GGT1: variants seen among roughly 807,000 people sequenced by gnomAD.
The protein encoded by GGT1 is glutathione hydrolase 1 proenzyme.
Under a neutral mutation model 56.0 loss-of-function variants are expected in GGT1, and 21 were observed. The ratio of observed to expected loss-of-function variants is 0.38; its 90% confidence interval spans 0.27 to 0.54. GGT1 has a LOEUF of 0.54. GGT1 is among the 20% of genes least tolerant of loss of function. The probability of loss-of-function intolerance (pLI) is 0.82; values close to 1 mark genes in which losing one functional copy is unlikely to be tolerated. For missense variants in GGT1, 466 were observed against 787.0 expected, an observed-to-expected ratio of 0.59 and a Z score of 4.88; for synonymous variants, 238 against 342.6, an observed-to-expected ratio of 0.69 and a Z score of 3.37.
intron 2 of GGT1, chr22:24,609,666 C>T (rs1004303388): frequency 8.2e-5 from 24 of 291,124 alleles, no homozygotes; most frequent in South Asian, 2.7e-4. Context: ...TGGCAGACAC[C>T]GCCCTTTGTG....
At chr22:24,624,279 C>T (rs1240099680) in intron 11 of GGT1, 3 of 940,508 alleles carry the variant, frequency 3.2e-6, no homozygotes, top group Admixed American at 6.2e-5. Context: ...ACCTTGGCCA[C>T]CCACTCCCTG....
chr22:24,595,481 G>A (rs766017276), intron 1 of GGT1, among the ~76,000 whole-genome samples: 1 of 152,218 alleles, frequency 6.6e-6, no homozygotes, highest in Non-Finnish European at 1.5e-5. Flanking sequence ...TCCATGGGGT[G>A]GAGGGATTGC....
At chr22:24,616,762 G>T in intron 7 of GGT1, among the ~76,000 whole-genome samples, 1 of 151,844 alleles carries the variant, frequency 6.6e-6, no homozygotes, top group East Asian at 1.9e-4. Flanking sequence ...GCCCAGGCTG[G>T]TCTCGATCTC....
chr22:24,591,452 G>C (rs1043637240), upstream of GGT1, among the ~76,000 whole-genome samples: 4 of 152,220 alleles, frequency 2.6e-5, no homozygotes, highest in Non-Finnish European at 5.9e-5. Context: ...TAGACCCCAT[G>C]TGGGCCTTCT....
At chr22:24,589,067 A>G in the GGT1 span, 1 of 1,037,110 alleles carries the variant, frequency 9.6e-7, no homozygotes. Context: ...GGCTAGGCGC[A>G]GAGTCCTAGG....
At chr22:24,585,539 C>T in the GGT1 span, 1 of 321,702 alleles carries the variant, frequency 3.1e-6, no homozygotes, top group South Asian at 4.1e-5. Context: ...GACCTTTGTC[C>T]CACCCTTTTG....
At chr22:24,589,077 G>A in the GGT1 span, 1 of 1,067,934 alleles carries the variant, frequency 9.4e-7, no homozygotes, top group Non-Finnish European at 1.1e-6. Flanking sequence ...AGAGTCCTAG[G>A]GGCCGACTGT....
intron 11 of GGT1, chr22:24,624,245 AG>A (rs2047608558): frequency 1.0e-6 from 1 of 969,768 alleles, no homozygotes; most frequent in South Asian, 4.7e-5. Flanking sequence ...GATGGGTGAA[AG>A]GGAGAGGGCC....
At position 24,628,975 on chromosome 22, in the gene GGT1, C is replaced by T; in HGVS notation, c.*136C>T. ...TAAATGAGGCCACTGTGCCAGGCTC[C>T]AGGTGGCCTCCCTGGCCTGTCTCCC... On this transcript the variant is annotated 3_prime_UTR_variant, in exon 16 of 16. Coordinates refer to ENST00000400382, the MANE Select transcript of GGT1 (RefSeq NM_001288833.2). The surrounding 1 kb of genome is among the most constrained non-coding windows in gnomAD (Gnocchi z 5.7). 1 of 1,368,598 alleles carries T rather than the reference C, an allele frequency of 7.3e-7. No homozygotes were observed. The allele number at this position is 1,368,598 out of a possible 1,614,324, so 84.8% of individuals were successfully genotyped here. A position where few individuals can be genotyped will look rare whatever the true frequency, so the allele number is the denominator to read the frequency against.
chr22:24,594,818 A>G (rs2147185381), exon 1 of GGT1: 1 of 152,376 alleles, frequency 6.6e-6, no homozygotes, highest in East Asian at 1.9e-4. Context: ...CTACCCGGTC[A>G]GAGCTTTAAG....
At chr22:24,592,908 C>A, upstream of GGT1, 1 of 1,280,058 alleles carries the variant, frequency 7.8e-7, no homozygotes, top group South Asian at 2.4e-5. Flanking sequence ...CCGGCCGCCG[C>A]TCGCGGAGCG....
At chr22:24,588,932 C>T in the GGT1 span, 132 of 1,003,274 alleles carry the variant, frequency 1.3e-4, no homozygotes, top group Non-Finnish European at 1.5e-4. Flanking sequence ...CCGAGGTGCG[C>T]GGCCCACAAA....
chr22:24,596,742 CA>C (rs57547019), intron 1 of GGT1, among the ~76,000 whole-genome samples: 54,325 of 108,028 alleles, frequency 0.5, 12,667 homozygotes, highest in South Asian at 0.6. Flanking sequence ...TACTAAAATA[CA>C]AAAAAAAAAA....
At chr22:24,593,797 A>G (rs2045640814), upstream of GGT1, among the ~76,000 whole-genome samples, 1 of 141,624 alleles carries the variant, frequency 7.1e-6, no homozygotes, top group South Asian at 2.1e-4. Flanking sequence ...AAAAAAAAAA[A>G]AAAGAAAAGA....
intron 5 of GGT1, among the ~76,000 whole-genome samples, chr22:24,611,773 TTGTGTGTGTGTGTGTGTGTG>T (rs57600451): frequency 0.034 from 4,404 of 131,014 alleles, 205 homozygotes; most frequent in African/African-American, 0.11. Flanking sequence ...CCCAACAAAT[TTGTGTGTGTGTGTGTGTGTG>T]TGTGTGTGTG....
rs1475912444 is a variant in GGT1 at position 24,614,897 on chromosome 22, A to G, written c.286A>G (p.Ser96Gly). The G allele has an allele frequency of 6.2e-7, 1 of 1,612,540 alleles. No homozygotes were observed. The highest frequency in any genetic ancestry group is 1.3e-5 in the African/African-American group (1 of 74,940). Residue 96 changes from serine to glycine, a missense_variant, in exon 6 of 16, where the codon AGC becomes GGC. By Grantham distance (56) the Ser-to-Gly change is moderately conservative. Transcript: ENST00000400382. ...TGGCCTCTTCCTCACCATCTACAAC[A>G]GCACCACACGTGAGTGCCTCGGGAG... Reference protein sequence around the residue: ...GGGLFLTIYNSTTRKAEVINA... With the variant: ...GGGLFLTIYNGTTRKAEVINA...
chr22:24,609,119 G>A (rs1466142766), intron 2 of GGT1: 3 of 152,346 alleles, frequency 2.0e-5, no homozygotes, highest in African/African-American at 7.2e-5. Context: ...CAAGAGCGCT[G>A]TCAGGCCTGG....
upstream of GGT1, chr22:24,589,984 T>C (rs1200063087): frequency 1.0e-5 from 16 of 1,534,776 alleles, no homozygotes; most frequent in African/African-American, 1.4e-5. Flanking sequence ...AGTGAGCCCG[T>C]TGGGTCTCCC....
chr22:24,606,611 G>T (rs143801150), intron 1 of GGT1, among the ~76,000 whole-genome samples: 115 of 152,278 alleles, frequency 7.6e-4, no homozygotes, highest in African/African-American at 2.6e-3. Context: ...GATCTTCACG[G>T]GGAGGAATAG....
Sources: gnomAD v4.1 joint callset for allele counts (sites outside exome capture counted in the v4.1 genomes callset) on GRCh38, gnomAD v4.1.1 for gene constraint, Gnocchi (gnomAD v3.1) non-coding constraint, MANE v1.5 for transcripts, NCBI Gene and HGNC (gene_info 2026-07-23, HGNC 2026-07-21) for gene names.